The following MYRIP variants were observed in gnomAD, a reference collection of about 807,000 sequenced individuals.
MYRIP encodes myosin VIIA and Rab interacting protein, also known as rab effector MyRIP.
A neutral mutation model predicts 98.0 loss-of-function variants in MYRIP; 49 were observed. The observed-to-expected ratio is 0.50, with a 90% CI of 0.40 to 0.63. The LOEUF is 0.63. Ranked by LOEUF, MYRIP falls within the 30% of genes least tolerant of loss-of-function variation. The probability of loss-of-function intolerance (pLI) is 0.00; values close to 1 mark genes in which losing one functional copy is unlikely to be tolerated. For synonymous variants in MYRIP, 404 were observed against 409.5 expected, an observed-to-expected ratio of 0.99 and a Z score of 0.16; for missense variants, 1,004 against 1,058.2, an observed-to-expected ratio of 0.95 and a Z score of 0.71.
intron 2 of MYRIP, among the ~76,000 whole-genome samples, chr3:39,907,641 TGG>T (rs959575342): frequency 6.6e-6 from 1 of 152,146 alleles, no homozygotes; most frequent in African/African-American, 2.4e-5. Flanking sequence ...ATTGAGGCCT[TGG>T]GGTTTATTTC....
intron 8 of MYRIP, among the ~76,000 whole-genome samples, chr3:40,175,251 T>C (rs1418795333): frequency 3.9e-5 from 6 of 152,204 alleles, no homozygotes; most frequent in Admixed American, 6.5e-5. Context: ...GAAAGGCCTA[T>C]ACTAAGTCCT....
At chr3:39,835,518 A>G (rs1326412836) in intron 1 of MYRIP, among the ~76,000 whole-genome samples, 1 of 152,182 alleles carries the variant, frequency 6.6e-6, no homozygotes, top group African/African-American at 2.4e-5. Context: ...GAATAAATAT[A>G]TATAATTTTT....
intron 1 of MYRIP, among the ~76,000 whole-genome samples, chr3:39,842,237 C>T (rs1941824514): frequency 6.6e-6 from 1 of 152,138 alleles, no homozygotes; most frequent in African/African-American, 2.4e-5. Context: ...GTTTGAACTT[C>T]CAGGTGGCTT....
At chr3:39,994,726 G>A (rs1332505878) in intron 2 of MYRIP, among the ~76,000 whole-genome samples, 2 of 152,240 alleles carry the variant, frequency 1.3e-5, no homozygotes, top group Admixed American at 6.5e-5. Context: ...ATCTGAGAAT[G>A]GACAGACTGC....
chr3:39,816,752 A>C (rs1940929629), intron 1 of MYRIP, among the ~76,000 whole-genome samples: 1 of 152,224 alleles, frequency 6.6e-6, no homozygotes, highest in African/African-American at 2.4e-5. Flanking sequence ...ATAATTATAG[A>C]AATATAGGCA....
chr3:39,993,148 C>T (rs1946223544), intron 2 of MYRIP, among the ~76,000 whole-genome samples: 1 of 152,074 alleles, frequency 6.6e-6, no homozygotes, highest in Non-Finnish European at 1.5e-5. Flanking sequence ...CATCCCATGA[C>T]AGAAAGGCAA....
intron 3 of MYRIP, among the ~76,000 whole-genome samples, chr3:40,050,038 C>A (rs1201101609): frequency 6.6e-6 from 1 of 152,092 alleles, no homozygotes; most frequent in Non-Finnish European, 1.5e-5. Flanking sequence ...AGGAAAGAAG[C>A]CATCTCTATA....
intron 2 of MYRIP, among the ~76,000 whole-genome samples, chr3:40,034,518 A>G (rs1157391843): frequency 2.0e-5 from 3 of 151,568 alleles, no homozygotes; most frequent in Non-Finnish European, 4.4e-5. Flanking sequence ...CAAAACCACA[A>G]TGAGATACCA....
At chr3:39,925,628 A>T (rs893290809) in intron 2 of MYRIP, among the ~76,000 whole-genome samples, 1 of 152,066 alleles carries the variant, frequency 6.6e-6, no homozygotes, top group Non-Finnish European at 1.5e-5. Context: ...GATGCCCTCT[A>T]GCTGTATCCA....
At chr3:40,163,257 T>G (rs1950433848) in intron 5 of MYRIP, among the ~76,000 whole-genome samples, 1 of 152,214 alleles carries the variant, frequency 6.6e-6, no homozygotes, top group Non-Finnish European at 1.5e-5. Context: ...TCATTTCAAT[T>G]CTTTGTCTAA....
intron 2 of MYRIP, among the ~76,000 whole-genome samples, chr3:39,925,183 T>A (rs982022499): frequency 7.9e-5 from 12 of 151,588 alleles, no homozygotes; most frequent in African/African-American, 2.9e-4. Flanking sequence ...CAAAATGATT[T>A]AAAAAATAAA....
intron 1 of MYRIP, among the ~76,000 whole-genome samples, chr3:39,880,067 A>G (rs1463741959): frequency 6.6e-6 from 1 of 151,692 alleles, no homozygotes; most frequent in Non-Finnish European, 1.5e-5. Flanking sequence ...TAATTTTATT[A>G]TTATTATACT....
intron 2 of MYRIP, among the ~76,000 whole-genome samples, chr3:39,967,577 A>G (rs962635877): frequency 1.3e-5 from 2 of 152,122 alleles, no homozygotes; most frequent in Admixed American, 1.3e-4. Flanking sequence ...TAGATGATTT[A>G]TATTCCTCTG....
intron 3 of MYRIP, among the ~76,000 whole-genome samples, chr3:40,133,272 C>A (rs1949683936): frequency 6.6e-6 from 1 of 152,198 alleles, no homozygotes; most frequent in South Asian, 2.1e-4. Flanking sequence ...AAGATAAGCG[C>A]TTAAGAGGTG....
intron 11 of MYRIP, among the ~76,000 whole-genome samples, chr3:40,221,682 C>G (rs1375931801): frequency 6.6e-6 from 1 of 152,178 alleles, no homozygotes; most frequent in Admixed American, 6.5e-5. Context: ...GGAAAACAGG[C>G]AGCCTGCCAC....
At chr3:40,085,949 T>G (rs1345129387) in intron 3 of MYRIP, among the ~76,000 whole-genome samples, 2 of 151,924 alleles carry the variant, frequency 1.3e-5, no homozygotes, top group Non-Finnish European at 2.9e-5. Flanking sequence ...TCACTCAAAG[T>G]GGAAAAATGT....
chr3:39,863,260 A>C (rs1345200071), intron 1 of MYRIP, among the ~76,000 whole-genome samples: 1 of 152,098 alleles, frequency 6.6e-6, no homozygotes, highest in African/African-American at 2.4e-5. Context: ...GAGAAACAAG[A>C]AAACCAACTC....
At chr3:39,811,820 C>A (rs1255090790) in intron 1 of MYRIP, among the ~76,000 whole-genome samples, 2 of 151,944 alleles carry the variant, frequency 1.3e-5, no homozygotes, top group African/African-American at 4.8e-5. Context: ...AGAATTTGTT[C>A]ACTTTTGAGA....
At chr3:39,848,411 C>T (rs994247891) in intron 1 of MYRIP, among the ~76,000 whole-genome samples, 2 of 152,122 alleles carry the variant, frequency 1.3e-5, no homozygotes, top group Non-Finnish European at 2.9e-5. Context: ...TAATAAGTTA[C>T]ACTCATTTTT....
Sources: allele counts gnomAD v4.1 joint callset (sites outside exome capture counted in the v4.1 genomes callset), GRCh38; gene constraint gnomAD v4.1.1; transcripts MANE v1.5; gene names NCBI Gene and HGNC (gene_info 2026-07-23, HGNC 2026-07-21).